TTPA: variants seen among roughly 807,000 people sequenced by gnomAD.
TTPA encodes the protein alpha tocopherol transfer protein.
In TTPA, 23 loss-of-function variants were observed where a neutral mutation model predicts 25.9. That is an observed-to-expected ratio of 0.89 (90% CI 0.64 to 1.26). The LOEUF is 1.26. TTPA is among the 50% of genes most tolerant of loss of function. TTPA has a pLI of 0.00. For synonymous variants in TTPA, 148 were observed against 137.3 expected (o/e 1.08, Z -0.54); for missense variants, 337 against 353.1 (o/e 0.95, Z 0.37).
chr8:63,085,994 C>G lies in TTPA; in HGVS notation c.28G>C (p.Ala10Pro). 1.3e-6 allele frequency: 2 copies of G among 1,496,984 alleles called. No homozygotes were observed. Among genetic ancestry groups the G allele is most frequent in the Non-Finnish European group, 1.8e-6 (2 of 1,131,922 alleles). The allele number at this position is 1,496,984 out of a possible 1,614,324, so 92.7% of individuals were successfully genotyped here. Reference protein sequence around the residue: MAEARSQPSAGPQLNALPDH... With the variant: MAEARSQPSPGPQLNALPDH... ...GGTAGCGCGTTGAGCTGCGGCCCCG[C>G]CGAGGGCTGGGATCGCGCCTCTGCC... Residue 10 changes from alanine to proline, a missense_variant, in exon 1 of 5, where the codon GCG becomes CCG. Transcript: ENST00000260116.
intron 3 of TTPA, among the ~76,000 whole-genome samples, chr8:63,065,621 GA>G (rs1197123807): frequency 5.9e-5 from 9 of 151,876 alleles, no homozygotes; most frequent in African/African-American, 1.4e-4. Flanking sequence ...TTTAATTTAG[GA>G]AAAAAAGTTA....
At chr8:63,079,640 C>A (rs532952536) in intron 1 of TTPA, among the ~76,000 whole-genome samples, 2 of 151,990 alleles carry the variant, frequency 1.3e-5, no homozygotes, top group African/African-American at 4.8e-5. Flanking sequence ...CCTAAATACA[C>A]CCAATACAGG....
At chr8:63,076,851 T>C (rs1449761125) in intron 1 of TTPA, among the ~76,000 whole-genome samples, 4 of 152,244 alleles carry the variant, frequency 2.6e-5, no homozygotes, top group Non-Finnish European at 4.4e-5. Context: ...GGGATACTTA[T>C]ATAGCCATCT....
chr8:63,063,902 G>A (rs1657187101), intron 4 of TTPA, among the ~76,000 whole-genome samples: 2 of 152,074 alleles, frequency 1.3e-5, no homozygotes, highest in South Asian at 4.1e-4. Flanking sequence ...GGTAATTCAA[G>A]ACAGTGATTT....
chr8:63,083,890 C>CT (rs575543398), intron 1 of TTPA, among the ~76,000 whole-genome samples: 2,762 of 140,740 alleles, frequency 0.02, 26 homozygotes, highest in Middle Eastern at 0.037. Context: ...TCTTTTTTTT[C>CT]TTTTTTTTTT....
At chr8:63,083,188 G>A (rs558552976) in intron 1 of TTPA, among the ~76,000 whole-genome samples, 8 of 152,126 alleles carry the variant, frequency 5.3e-5, no homozygotes, top group Admixed American at 2.6e-4. Flanking sequence ...ACATGCACAC[G>A]TATGTTTACT....
chr8:63,085,868 G>C lies in TTPA; in HGVS notation c.154C>G (p.Leu52Val). 6.5e-7 allele frequency: 1 copy of C among 1,534,956 alleles called. No individual in the cohort carries two copies. Among genetic ancestry groups the C allele is most frequent in the South Asian group, 1.2e-5 (1 of 83,588 alleles). ...LAPLPLTDSF[L>V]LRFLRARDFD... Reference sequence around the variant, plus strand: ...TCCCGGGCGCGCAGGAACCGCAGCAGGAAGGAGTCGGTGAGCGGCAGCGGC... The same window carrying C: ...TCCCGGGCGCGCAGGAACCGCAGCACGAAGGAGTCGGTGAGCGGCAGCGGC... Residue 52 changes from leucine to valine, a missense_variant, in exon 1 of 5, where the codon CTG becomes GTG. Leu to Val is a conservative substitution (Grantham distance 32, BLOSUM62 1). Coordinates refer to ENST00000260116, the MANE Select transcript of TTPA (RefSeq NM_000370.3).
At position 63,066,025 on chromosome 8, in the gene TTPA, A is replaced by G; in HGVS notation, c.431T>C (p.Val144Ala). 6.2e-7 allele frequency: 1 copy of G among 1,614,120 alleles called. No homozygotes were observed. Among genetic ancestry groups the G allele is most frequent in the Non-Finnish European group, 8.5e-7 (1 of 1,179,998 alleles). Residue 144 changes from valine (V) to alanine (A), a missense_variant, in exon 3 of 5, where the codon GTA becomes GCA. Transcript: ENST00000260116. Reference sequence around the variant, plus strand: ...ATTCCGCTGAGTTTCTACCTCCTGTACAATAAGCTCGGATGTGATTAGACT... The same window carrying G: ...ATTCCGCTGAGTTTCTACCTCCTGTGCAATAAGCTCGGATGTGATTAGACT... The part of the protein sequence containing the change: ...RVSLITSELI[V>A]QEVETQRNGI...
chr8:63,072,601 A>G (rs1329263358), intron 2 of TTPA, among the ~76,000 whole-genome samples: 1 of 152,136 alleles, frequency 6.6e-6, no homozygotes, highest in Non-Finnish European at 1.5e-5. Context: ...GATTTTTTAA[A>G]ATATTCTCAC....
chr8:63,059,964 G>A lies in TTPA; in HGVS notation c.*1288C>T, dbSNP rs1014173942. 14 of 152,146 alleles carry A rather than the reference G, an allele frequency of 9.2e-5. No homozygotes were observed. The highest frequency in any genetic ancestry group is 3.4e-4 in the African/African-American group (14 of 41,490). 9.4% of individuals were successfully genotyped at this position (152,146 alleles called of 1,614,324 possible). A position where few individuals can be genotyped will look rare whatever the true frequency, so the allele number is the denominator to read the frequency against. On this transcript the variant is annotated 3_prime_UTR_variant, in exon 5 of 5. Transcript: ENST00000260116. ...TCCAGCCTCGGCCTCCCAAAGTGCT[G>A]GGATTACAGGTGTGAGCTGCCACAC...
rs749194952 is a variant in TTPA at position 63,064,295 on chromosome 8, G to A, written c.574C>T (p.Arg192Cys). 8.1e-6 allele frequency: 13 copies of A among 1,612,040 alleles called. No individual in the cohort carries two copies. Among genetic ancestry groups the A allele is most frequent in the South Asian group, 1.1e-5 (1 of 90,928 alleles). ...GGTTCATTTATCAAATGGATGCCACGAACTTTCAATGGAAATGAATCCTTT... is the reference window on the plus strand; with the variant it reads ...GGTTCATTTATCAAATGGATGCCACAAACTTTCAATGGAAATGAATCCTTT... ...VLTDSFPLKV[R>C]GIHLINEPVI... Residue 192 changes from arginine to cysteine, a missense_variant, in exon 4 of 5, where the codon CGT (arginine) becomes TGT (cysteine). By Grantham distance (180) the Arg-to-Cys change is radical. Coordinates refer to ENST00000260116, the MANE Select transcript of TTPA (RefSeq NM_000370.3).
chr8:63,071,163 T>G (rs966047484), intron 2 of TTPA, among the ~76,000 whole-genome samples: 3 of 152,196 alleles, frequency 2.0e-5, no homozygotes, highest in Non-Finnish European at 4.4e-5. Context: ...AACAGGAAGA[T>G]CATGATGTCT....
At chr8:63,078,637 A>G (rs1255458147) in intron 1 of TTPA, among the ~76,000 whole-genome samples, 1 of 152,220 alleles carries the variant, frequency 6.6e-6, no homozygotes, top group Non-Finnish European at 1.5e-5. Context: ...AAGGTTAGAG[A>G]AAAAAGAGTA....
At chr8:63,079,018 G>T (rs1805617066) in intron 1 of TTPA, among the ~76,000 whole-genome samples, 1 of 152,176 alleles carries the variant, frequency 6.6e-6, no homozygotes, top group South Asian at 2.1e-4. Flanking sequence ...CCAGAAGAGA[G>T]TAGGGGGCCA....
rs189593426 is a variant in TTPA, at chr8:63,061,778, A to G, written c.664-353T>C. ...CTTACCAAACTAATACCTTGGGACT[A>G]TTCTATACACGATAAAAATGTACTA... is the stretch of plus-strand genomic sequence containing the variant. On this transcript the variant is annotated intron_variant, in intron 4 of 4. Coordinates refer to ENST00000260116, the MANE Select transcript of TTPA (RefSeq NM_000370.3). 5.3e-5 allele frequency among the ~76,000 whole-genome samples: 8 copies of G among 152,364 alleles called. No homozygotes were observed. In the South Asian group the frequency reaches 8.3e-4, roughly 16 times the overall value.
chr8:63,064,060 A>T, intron 4 of TTPA, 146 bp downstream of exon 4: 3 of 606,020 alleles, frequency 5.0e-6, no homozygotes, highest in African/African-American at 3.7e-5. Context: ...ACTTTTTTTT[A>T]GTTGGCTTGT....
chr8:63,071,922 G>C (rs1805489451), intron 2 of TTPA, among the ~76,000 whole-genome samples: 2 of 152,110 alleles, frequency 1.3e-5, no homozygotes, highest in Middle Eastern at 3.2e-3. Context: ...ATAGTGGCCT[G>C]AATACACTAA....
In TTPA at chr8:63,060,111, G is replaced by T. The variant is rs957122787; in HGVS notation, c.*1141C>A. 6.6e-6 allele frequency: 1 copy of T among 152,156 alleles called. No individual in the cohort carries two copies. Among genetic ancestry groups the T allele is most frequent in the Non-Finnish European group, 1.5e-5 (1 of 68,018 alleles). 9.4% of individuals were successfully genotyped at this position (152,156 alleles called of 1,614,324 possible). ...AATCTGAAAAATACCAGATGTAATT[G>T]ACAGTAATTTTTTAAAATGTAAACA... On this transcript the variant is annotated 3_prime_UTR_variant, in exon 5 of 5. Transcript: ENST00000260116.
At chr8:63,077,003 C>T (rs954033104) in intron 1 of TTPA, among the ~76,000 whole-genome samples, 4 of 151,796 alleles carry the variant, frequency 2.6e-5, no homozygotes, top group Admixed American at 6.6e-5. Context: ...GATTATAAAA[C>T]CCAGAGGCAA....
Sources: allele counts gnomAD v4.1 joint callset (sites outside exome capture counted in the v4.1 genomes callset), GRCh38; gene constraint gnomAD v4.1.1; transcripts MANE v1.5; gene names NCBI Gene and HGNC (gene_info 2026-07-23, HGNC 2026-07-21).